ZNF519: variants seen among roughly 807,000 people sequenced by gnomAD.
ZNF519 encodes the protein zinc finger protein 519.
A neutral mutation model predicts 7.4 loss-of-function variants in ZNF519; 7 were observed. That is an observed-to-expected ratio of 0.94 (90% CI 0.54 to 1.77). ZNF519 has a LOEUF of 1.77. Ranked by LOEUF, ZNF519 falls within the 40% of genes most tolerant of loss-of-function variation. The pLI is 0.00. For missense variants in ZNF519, 586 were observed against 623.1 expected (o/e 0.94, Z 0.63); for synonymous variants, 179 against 203.3 (o/e 0.88, Z 1.02).
At chr18:14,108,852 A>C (rs1233998919) in intron 2 of ZNF519, among the ~76,000 whole-genome samples, 1 of 152,130 alleles carries the variant, frequency 6.6e-6, no homozygotes, top group Non-Finnish European at 1.5e-5. Context: ...GCACTTTGGG[A>C]GGCCGAGGTG....
intron 2 of ZNF519, among the ~76,000 whole-genome samples, chr18:14,088,214 G>C (rs1246705896): frequency 6.6e-6 from 1 of 152,182 alleles, no homozygotes; most frequent in African/African-American, 2.4e-5. Flanking sequence ...ATAGTATCAA[G>C]ACATTTGAAT....
rs2046159645 is a variant in ZNF519 at position 14,101,336 on chromosome 18, ACT to A, written c.*3579_*3580del. 5.4e-6 allele frequency: 1 copy of A among 184,550 alleles called. No individual in the cohort carries two copies. The allele number at this position is 184,550 out of a possible 1,614,324, so 11.4% of individuals were successfully genotyped here. ...AGATTTAGGGCTGATTTATTTCCGC[ACT>A]CAGAGGGATAAAGGGGGGCCAATTA... On this transcript the variant is annotated 3_prime_UTR_variant, in exon 3 of 3. Transcript: ENST00000590202.
chr18:14,117,668 T>C (rs115467761), intron 2 of ZNF519, among the ~76,000 whole-genome samples: 2,379 of 152,252 alleles, frequency 0.016, 65 homozygotes, highest in African/African-American at 0.055. Flanking sequence ...ACAGGAAGCA[T>C]AGCAGCTTCT....
intron 2 of ZNF519, among the ~76,000 whole-genome samples, chr18:14,119,760 A>G (rs537465822): frequency 3.0e-4 from 46 of 152,320 alleles, no homozygotes; most frequent in African/African-American, 1.1e-3. Context: ...CAGGCTCAGC[A>G]TACAAATATT....
chr18:14,132,240 C>A (rs1362206856), intron 1 of ZNF519, 35 bp downstream of exon 1: 9 of 1,613,014 alleles, frequency 5.6e-6, no homozygotes, highest in Non-Finnish European at 7.6e-6. Flanking sequence ...GGAGCCCCCT[C>A]CCCAGTCTCG....
intron 2 of ZNF519, among the ~76,000 whole-genome samples, chr18:14,111,527 A>G (rs952376372): frequency 1.3e-5 from 2 of 150,982 alleles, no homozygotes; most frequent in South Asian, 2.1e-4. Flanking sequence ...AAAAAAAAAA[A>G]AAAGAAAGAA....
chr18:14,110,403 C>T (rs1408854246), intron 2 of ZNF519, among the ~76,000 whole-genome samples: 1 of 152,032 alleles, frequency 6.6e-6, no homozygotes, highest in Non-Finnish European at 1.5e-5. Flanking sequence ...CAGCAGAGTA[C>T]ATAGACAACC....
Position 14,101,140 on chromosome 18 carries a change from CT to C in ZNF519, c.*3776del. On this transcript the variant is annotated 3_prime_UTR_variant, in exon 3 of 3. Transcript: ENST00000590202. ...TGCTGTGGAGGGATGGAGCACTTAC[CT>C]TTTGGGCAGCAGGTCCAGGAGCTGT... is the stretch of plus-strand genomic sequence containing the variant. The C allele has an allele frequency of 6.5e-6, 1 of 153,894 alleles. No individual in the cohort carries two copies. The highest frequency in any genetic ancestry group is 1.4e-5 in the Non-Finnish European group (1 of 68,996). The allele number at this position is 153,894 out of a possible 1,614,324, so 9.5% of individuals were successfully genotyped here. A position where few individuals can be genotyped will look rare whatever the true frequency, so the allele number is the denominator to read the frequency against.
chr18:14,121,351 T>C (rs575362224), intron 2 of ZNF519, among the ~76,000 whole-genome samples: 20 of 147,212 alleles, frequency 1.4e-4, no homozygotes, highest in African/African-American at 4.0e-4. Context: ...ATACTTACTA[T>C]AAAAAAAAAA....
chr18:14,085,253 T>C (rs1176513646), intron 2 of ZNF519, among the ~76,000 whole-genome samples: 2 of 152,160 alleles, frequency 1.3e-5, no homozygotes, highest in African/African-American at 4.8e-5. Context: ...TGTGGTTAAA[T>C]ATCCTTATTC....
rs144584224 is a variant in ZNF519 at position 14,105,909 on chromosome 18, A to C, written c.631T>G (p.Ser211Ala). 5 of 1,610,074 alleles carry C rather than the reference A, an allele frequency of 3.1e-6. No individual in the cohort carries two copies. Among genetic ancestry groups the C allele is most frequent in the Non-Finnish European group, 4.2e-6 (5 of 1,178,914 alleles). ...NIHIQKKPYN[S>A]NECGETSDPF... ...TCAGAAGTTTCACCACATTCATTAG[A>C]GTTGTAAGGCTTTTTTTGAATATGG... The change falls in exon 3 of 3, where the codon TCT becomes GCT. Residue 211 changes from serine to alanine, a missense_variant. Transcript: ENST00000590202.
At chr18:14,115,418 G>C (rs1303786079) in intron 2 of ZNF519, among the ~76,000 whole-genome samples, 1 of 152,064 alleles carries the variant, frequency 6.6e-6, no homozygotes, top group Non-Finnish European at 1.5e-5. Context: ...AATTATATCA[G>C]AACTAAAGAG....
intron 1 of ZNF519, among the ~76,000 whole-genome samples, chr18:14,127,200 A>T (rs1219357944): frequency 2.0e-5 from 3 of 152,212 alleles, no homozygotes; most frequent in African/African-American, 7.2e-5. Flanking sequence ...TGTTGACACC[A>T]GAAGCCTCTC....
chr18:14,097,513 G>A (rs2046141581), downstream of ZNF519, among the ~76,000 whole-genome samples: 1 of 152,152 alleles, frequency 6.6e-6, no homozygotes, highest in Middle Eastern at 3.2e-3. Flanking sequence ...AAATAACCTG[G>A]CGTTGAAGGT....
intron 2 of ZNF519, among the ~76,000 whole-genome samples, chr18:14,111,862 A>T (rs1281142685): frequency 6.6e-6 from 1 of 152,188 alleles, no homozygotes; most frequent in Non-Finnish European, 1.5e-5. Context: ...AACTAATAGC[A>T]ATCTGACTTA....
intron 3 of ZNF519, among the ~76,000 whole-genome samples, chr18:14,083,319 C>T (rs1251496226): frequency 1.3e-5 from 2 of 152,130 alleles, no homozygotes; most frequent in Non-Finnish European, 2.9e-5. Flanking sequence ...CACTGCATTC[C>T]AGCCTGGGCA....
intron 2 of ZNF519, among the ~76,000 whole-genome samples, chr18:14,118,372 T>C (rs1286307033): frequency 6.6e-6 from 1 of 152,228 alleles, no homozygotes; most frequent in Non-Finnish European, 1.5e-5. Flanking sequence ...TGAATTATTC[T>C]TTAGCCTCAA....
At chr18:14,087,102 G>A (rs2046093953) in intron 2 of ZNF519, among the ~76,000 whole-genome samples, 2 of 152,196 alleles carry the variant, frequency 1.3e-5, no homozygotes, top group Admixed American at 1.3e-4. Context: ...ATCAATAAAG[G>A]TGATACATCA....
chr18:14,108,477 T>G (rs538528649), intron 2 of ZNF519, among the ~76,000 whole-genome samples: 3 of 152,276 alleles, frequency 2.0e-5, no homozygotes, highest in Middle Eastern at 3.4e-3. Flanking sequence ...CTACCCACTT[T>G]CAGGTCCCCT....
Sources: allele counts gnomAD v4.1 joint callset (sites outside exome capture counted in the v4.1 genomes callset), GRCh38; gene constraint gnomAD v4.1.1; transcripts MANE v1.5; gene names NCBI Gene and HGNC (gene_info 2026-07-23, HGNC 2026-07-21).